Variants in BRD8 observed in about 807,000 individuals in gnomAD.
The protein encoded by BRD8 is bromodomain-containing protein 8.
BRD8 carries 67 observed loss-of-function variants against 143.1 expected under a neutral mutation model. The ratio of observed to expected loss-of-function variants is 0.47; its 90% CI spans 0.38 to 0.57. The LOEUF (loss-of-function observed/expected upper bound fraction) is 0.57, where lower values mean the gene tolerates loss of function less well. BRD8 is among the 20% of genes least tolerant of loss of function. The pLI is 0.00. For synonymous variants in BRD8, 505 were observed against 517.1 expected, an observed-to-expected ratio of 0.98 and a Z score of 0.32; for missense variants, 1,103 against 1,503.0, an observed-to-expected ratio of 0.73 and a Z score of 4.40.
At chr5:138,165,701 G>A in intron 11 of BRD8, 127 bp downstream of exon 11, 1 of 1,093,868 alleles carries the variant, frequency 9.1e-7, no homozygotes, top group African/African-American at 1.6e-5. Context: ...ACTTCAGCCT[G>A]GATGAAAGAG....
intron 2 of BRD8, among the ~76,000 whole-genome samples, chr5:138,174,303 T>C (rs1307503254): frequency 6.6e-6 from 1 of 152,142 alleles, no homozygotes; most frequent in African/African-American, 2.4e-5. Context: ...ATGCTCTAAA[T>C]GTGTGCACTG....
chr5:138,164,657 C>T, intron 12 of BRD8, 57 bp downstream of exon 12: 1 of 1,577,058 alleles, frequency 6.3e-7, no homozygotes, highest in Non-Finnish European at 8.6e-7. Context: ...CCTAAGCTGT[C>T]ACTTCTTATC....
At chr5:138,169,099 G>A (rs576133452) in intron 8 of BRD8, 123 bp downstream of exon 8, 1 of 1,049,312 alleles carries the variant, frequency 9.5e-7, no homozygotes, top group East Asian at 2.4e-5. Flanking sequence ...GGTAAATTAA[G>A]TCTTTAGCAT....
intron 11 of BRD8, 62 bp downstream of exon 11, chr5:138,165,766 G>A (rs929553861): frequency 1.8e-5 from 27 of 1,485,694 alleles, no homozygotes; most frequent in Middle Eastern, 3.7e-4. Context: ...ACCAAAGTGA[G>A]GCTGAAAAGA....
chr5:138,170,924 A>G lies in BRD8; in HGVS notation c.360-12T>C, dbSNP rs1753814014. The stretch of plus-strand genomic sequence containing the variant: ...CTCTCTTTAGCCGTCTATAGGAAGA[A>G]AGAGAGGTAGGTAGACTGGGTTTTT... On this transcript the variant is annotated splice_polypyrimidine_tract_variant and intron_variant, in intron 5 of 26. Coordinates refer to ENST00000254900, the MANE Select transcript of BRD8 (RefSeq NM_139199.2). 2 of 1,613,858 alleles carry G rather than the reference A, an allele frequency of 1.2e-6. No individual in the cohort carries two copies. The highest frequency in any genetic ancestry group is 1.7e-5 in the Admixed American group (1 of 59,994).
rs1752877301 is a variant in BRD8 at position 138,160,001 on chromosome 5, G to C, written c.2532+68C>G. 7 of 1,150,582 alleles carry C rather than the reference G, an allele frequency of 6.1e-6. No individual in the cohort carries two copies. In the Admixed American group the frequency reaches 1.2e-4, roughly 20 times the overall value. The allele number at this position is 1,150,582 out of a possible 1,614,324, so 71.3% of individuals were successfully genotyped here. A position where few individuals can be genotyped will look rare whatever the true frequency, so the allele number is the denominator to read the frequency against. On this transcript the variant is annotated intron_variant, in intron 19 of 26. Transcript: ENST00000254900. ...GCCCAATACCAAGTAGTAACATAAG[G>C]GTCCTTGGATGCTTCAGACTTCTAC...
chr5:138,143,891 C>A (rs918997794), intron 25 of BRD8, among the ~76,000 whole-genome samples: 3 of 152,106 alleles, frequency 2.0e-5, no homozygotes, highest in Admixed American at 6.5e-5. Flanking sequence ...GTGGAGGAGG[C>A]CAAATAAGGG....
chr5:138,164,538 C>A, intron 12 of BRD8, 125 bp from the exon 13 acceptor site: 1 of 1,124,034 alleles, frequency 8.9e-7, no homozygotes, highest in East Asian at 2.5e-5. Context: ...AATGTGACTC[C>A]AATGGTCACC....
intron 21 of BRD8, 99 bp downstream of exon 21, chr5:138,152,383 T>C: frequency 6.8e-7 from 1 of 1,478,386 alleles, no homozygotes; most frequent in Non-Finnish European, 9.2e-7. Context: ...AGCTTATATT[T>C]TAGTAAACAA....
At chr5:138,149,367 C>T (rs1752289450) in intron 23 of BRD8, among the ~76,000 whole-genome samples, 1 of 152,090 alleles carries the variant, frequency 6.6e-6, no homozygotes, top group Non-Finnish European at 1.5e-5. Flanking sequence ...GATCCTCCTG[C>T]CTTGGCCTCC....
intron 14 of BRD8, chr5:138,163,654 A>C: frequency 7.2e-7 from 1 of 1,385,154 alleles, no homozygotes; most frequent in Non-Finnish European, 9.5e-7. Flanking sequence ...CTGGGTACAA[A>C]GTTATCAAAA....
At chr5:138,149,154 C>A (rs548195146) in intron 23 of BRD8, among the ~76,000 whole-genome samples, 31 of 151,460 alleles carry the variant, frequency 2.0e-4, no homozygotes, top group African/African-American at 5.1e-4. Flanking sequence ...GTGATACAGA[C>A]TTGGCTAGAG....
chr5:138,159,460 C>G, intron 20 of BRD8, 95 bp downstream of exon 20: 1 of 1,297,358 alleles, frequency 7.7e-7, no homozygotes, highest in South Asian at 1.2e-5. Context: ...GACACTGCCA[C>G]AGTCTGCATG....
In BRD8 at chr5:138,166,328, C is replaced by A. The variant is rs1001723683; in HGVS notation, c.997+190G>T. On this transcript the variant is annotated intron_variant, in intron 10 of 26. Coordinates refer to ENST00000254900, the MANE Select transcript of BRD8 (RefSeq NM_139199.2). ...TATCTGTATACTTAGCCTCTTCCTG[C>A]AATACATAAATGCCCACCCACCTCT... is the stretch of plus-strand genomic sequence containing the variant. 6.5e-6 allele frequency: 4 copies of A among 615,140 alleles called. No individual in the cohort carries two copies. In the African/African-American group the frequency reaches 7.4e-5, roughly 11 times the overall value. The allele number at this position is 615,140 out of a possible 1,614,324, so 38.1% of individuals were successfully genotyped here. A position where few individuals can be genotyped will look rare whatever the true frequency, so the allele number is the denominator to read the frequency against.
In BRD8 at chr5:138,174,156, T is replaced by TTGTGTGTG. The variant is rs56254005; in HGVS notation, c.117-2030_117-2023dup. Among the ~76,000 whole-genome samples, 364 of 149,594 alleles carry TTGTGTGTG rather than the reference T, an allele frequency of 2.4e-3. 1 individual carries two copies. Among genetic ancestry groups the TTGTGTGTG allele is most frequent in the African/African-American group, 7.1e-3 (287 of 40,688 alleles). Reference sequence around the variant, plus strand: ...TTTTTTATGGCTCAACAGTATTCCATTGTGTGTGTGTGTGTGTGTGTGTGT... The same window carrying TTGTGTGTG: ...TTTTTTATGGCTCAACAGTATTCCATTGTGTGTGTGTGTGTGTGTGTGTGTGTGTGTGT... On this transcript the variant is annotated intron_variant, in intron 2 of 26. Coordinates refer to ENST00000254900, the MANE Select transcript of BRD8 (RefSeq NM_139199.2).
At chr5:138,172,170 A>G in intron 2 of BRD8, 36 bp from the exon 3 acceptor site, 1 of 1,515,762 alleles carries the variant, frequency 6.6e-7, no homozygotes, top group Non-Finnish European at 9.1e-7. Flanking sequence ...CACACCAAGC[A>G]GAAAACAATA....
intron 2 of BRD8, chr5:138,177,325 T>A: frequency 2.3e-5 from 6 of 257,946 alleles, no homozygotes; most frequent in East Asian, 1.7e-4. Flanking sequence ...AGGTCAGGAG[T>A]TCGAGACCAG....
chr5:138,164,014 A>G, intron 14 of BRD8, 73 bp downstream of exon 14: 1 of 1,514,812 alleles, frequency 6.6e-7, no homozygotes, highest in Admixed American at 1.7e-5. Context: ...GACTTTACTG[A>G]AATTCATTAA....
At chr5:138,169,719 A>AG (rs1272786245) in intron 7 of BRD8, among the ~76,000 whole-genome samples, 1 of 152,250 alleles carries the variant, frequency 6.6e-6, no homozygotes, top group Non-Finnish European at 1.5e-5. Flanking sequence ...CTGTAATCCC[A>AG]GCACTTTGGG....
Sources: allele counts gnomAD v4.1 joint callset (sites outside exome capture counted in the v4.1 genomes callset), GRCh38; gene constraint gnomAD v4.1.1; transcripts MANE v1.5; gene names NCBI Gene and HGNC (gene_info 2026-07-23, HGNC 2026-07-21).